The following DENND6A variants were observed in gnomAD, a reference collection of about 807,000 sequenced individuals.
DENND6A encodes the protein DENN domain containing 6A, also known as protein DENND6A.
A neutral mutation model predicts 95.5 loss-of-function variants in DENND6A; 43 were observed. The ratio of observed to expected loss-of-function variants is 0.45; its 90% CI spans 0.35 to 0.58. The LOEUF (loss-of-function observed/expected upper bound fraction) is 0.58. Among genes scored for constraint, DENND6A ranks in the 20% least tolerant of loss-of-function variants. DENND6A has a pLI of 0.00. For synonymous variants in DENND6A, 257 were observed against 260.4 expected, an observed-to-expected ratio of 0.99 and a Z score of 0.13; for missense variants, 574 against 736.0, an observed-to-expected ratio of 0.78 and a Z score of 2.55.
intron 1 of DENND6A, among the ~76,000 whole-genome samples, chr3:57,673,713 A>G (rs1045323190): frequency 1.3e-5 from 2 of 152,194 alleles, no homozygotes; most frequent in African/African-American, 4.8e-5. Flanking sequence ...CAACTATTAT[A>G]TATCCACAAT....
intron 1 of DENND6A, chr3:57,679,368 T>G (rs748419943): frequency 5.5e-6 from 2 of 364,090 alleles, no homozygotes; most frequent in Non-Finnish European, 7.6e-6. Context: ...TTTTCATTGT[T>G]GTTGTTACTT....
intron 12 of DENND6A, among the ~76,000 whole-genome samples, chr3:57,640,503 GAA>G (rs2070905776): frequency 6.6e-6 from 1 of 151,772 alleles, no homozygotes; most frequent in Non-Finnish European, 1.5e-5. Context: ...TGAGGCAGGA[GAA>G]ACACTTGAAC....
At chr3:57,676,352 C>T (rs1234143178) in intron 1 of DENND6A, among the ~76,000 whole-genome samples, 4 of 138,482 alleles carry the variant, frequency 2.9e-5, no homozygotes, top group Admixed American at 8.2e-5. Context: ...TGCCCTTCAG[C>T]CTGGCAAAAG....
intron 5 of DENND6A, among the ~76,000 whole-genome samples, chr3:57,662,185 CTTTTTTT>C (rs60063768): frequency 0.016 from 1,275 of 79,138 alleles, 12 homozygotes; most frequent in African/African-American, 0.056. Context: ...TTTCTTTTTT[CTTTTTTT>C]TTTTTTTTTT....
Position 57,645,690 on chromosome 3 carries a change from G to A in DENND6A, c.1008C>T (p.Phe336=), listed in dbSNP as rs754158060. 8 of 1,613,042 alleles carry A rather than the reference G, an allele frequency of 5.0e-6. No individual in the cohort carries two copies. Among genetic ancestry groups the A allele is most frequent in the Non-Finnish European group, 5.9e-6 (7 of 1,179,442 alleles). The change falls in exon 11 of 20, where the codon TTC becomes TTT. Residue 336 remains phenylalanine (F), a synonymous_variant. Coordinates refer to ENST00000311128, the MANE Select transcript of DENND6A (RefSeq NM_152678.3). The part of the protein sequence containing the change: ...RPYFTIHDSE[F]KEYTTRTQAP... ...CTTGGGTACGGGTAGTATATTCTTT[G>A]AATTCACTATCATGAATAGTGAAAT... is the stretch of plus-strand genomic sequence containing the variant.
intron 1 of DENND6A, among the ~76,000 whole-genome samples, chr3:57,678,123 T>C (rs144135905): frequency 1.3e-5 from 2 of 152,356 alleles, no homozygotes; most frequent in East Asian, 1.9e-4. Flanking sequence ...CTTTCTGTTA[T>C]AATCCACTTA....
chr3:57,651,015 C>T (rs948179831), intron 9 of DENND6A, among the ~76,000 whole-genome samples: 3 of 152,122 alleles, frequency 2.0e-5, no homozygotes, highest in Non-Finnish European at 4.4e-5. Context: ...AACTCCCGAT[C>T]TCAGATGATC....
intron 3 of DENND6A, among the ~76,000 whole-genome samples, chr3:57,669,550 C>T (rs2071580182): frequency 6.6e-6 from 1 of 151,272 alleles, no homozygotes; most frequent in Non-Finnish European, 1.5e-5. Context: ...CCCATCTCTA[C>T]TAAAAATGCA....
intron 9 of DENND6A, among the ~76,000 whole-genome samples, chr3:57,653,195 G>A (rs554187732): frequency 2.6e-5 from 4 of 152,148 alleles, no homozygotes; most frequent in African/African-American, 9.6e-5. Flanking sequence ...AAATGAAAAA[G>A]GCCTACATGA....
At chr3:57,664,792 C>T (rs550972134) in intron 4 of DENND6A, among the ~76,000 whole-genome samples, 2 of 152,182 alleles carry the variant, frequency 1.3e-5, no homozygotes, top group African/African-American at 4.8e-5. Context: ...GAGATCACGC[C>T]ACTGCACTCC....
At position 57,627,623 on chromosome 3, in the gene DENND6A, C is replaced by T. The variant is rs2070560948; in HGVS notation, c.*591G>A. 6.6e-6 allele frequency: 1 copy of T among 152,200 alleles called. No individual in the cohort carries two copies. The highest frequency in any genetic ancestry group is 2.4e-5 in the African/African-American group (1 of 41,388). The allele number at this position is 152,200 out of a possible 1,614,324, so 9.4% of individuals were successfully genotyped here. A position where few individuals can be genotyped will look rare whatever the true frequency, so the allele number is the denominator to read the frequency against. On this transcript the variant is annotated 3_prime_UTR_variant, in exon 20 of 20. Coordinates refer to ENST00000311128, the MANE Select transcript of DENND6A (RefSeq NM_152678.3). ...GTCTATTAATAAACACAATGGGTAG[C>T]AAGAAACTTTTTTTTTAAACAATGA...
chr3:57,667,172 G>A (rs963852011), intron 3 of DENND6A, among the ~76,000 whole-genome samples: 6 of 152,164 alleles, frequency 3.9e-5, no homozygotes, highest in Non-Finnish European at 7.3e-5. Flanking sequence ...GGGATTACAG[G>A]TGCGTGCCAC....
Position 57,688,291 on chromosome 3 carries a change from C to T in DENND6A, c.237+4491G>A, listed in dbSNP as rs146573620. Among the ~76,000 whole-genome samples, 7 of 152,132 alleles carry T rather than the reference C, an allele frequency of 4.6e-5. No homozygotes were observed. In the East Asian group the frequency reaches 1.2e-3, roughly 25 times the overall value. On this transcript the variant is annotated intron_variant, in intron 1 of 19. Transcript: ENST00000311128. ...GATTACAGGCATGAGCCACCACACT[C>T]GGCTTATTAAGAGTCTAATCATCTT...
At chr3:57,633,084 TTG>T in intron 15 of DENND6A, among the ~76,000 whole-genome samples, 179 bp downstream of exon 15, 1 of 152,266 alleles carries the variant, frequency 6.6e-6, no homozygotes, top group Middle Eastern at 3.4e-3. Flanking sequence ...CTTACCAAAG[TTG>T]AACAGTTAAC....
At chr3:57,688,486 G>C (rs2077231103) in intron 1 of DENND6A, among the ~76,000 whole-genome samples, 1 of 151,932 alleles carries the variant, frequency 6.6e-6, no homozygotes, top group Non-Finnish European at 1.5e-5. Flanking sequence ...TGAACAAAAT[G>C]GGACACCTGT....
At chr3:57,684,096 G>A (rs551118037) in intron 1 of DENND6A, among the ~76,000 whole-genome samples, 15 of 142,620 alleles carry the variant, frequency 1.1e-4, no homozygotes, top group African/African-American at 2.4e-4. Flanking sequence ...AGGTTGCAGC[G>A]AGCCAAGATT....
At chr3:57,646,937 T>A (rs1287461049) in intron 9 of DENND6A, among the ~76,000 whole-genome samples, 1 of 152,208 alleles carries the variant, frequency 6.6e-6, no homozygotes, top group Non-Finnish European at 1.5e-5. Flanking sequence ...CCTGGGCAGA[T>A]ACTCCCTCTA....
chr3:57,648,508 A>T (rs1361599043), intron 9 of DENND6A, among the ~76,000 whole-genome samples: 1 of 152,226 alleles, frequency 6.6e-6, no homozygotes, highest in African/African-American at 2.4e-5. Context: ...CAGAACTAGA[A>T]AAAACAATCC....
intron 9 of DENND6A, among the ~76,000 whole-genome samples, chr3:57,650,661 G>C (rs2071188806): frequency 6.6e-6 from 1 of 151,812 alleles, no homozygotes; most frequent in South Asian, 2.1e-4. Flanking sequence ...TGGAAAACAT[G>C]TCCACACAAA....
Sources: gnomAD v4.1 joint callset for allele counts (sites outside exome capture counted in the v4.1 genomes callset) on GRCh38, gnomAD v4.1.1 for gene constraint, MANE v1.5 for transcripts, NCBI Gene and HGNC (gene_info 2026-07-23, HGNC 2026-07-21) for gene names.